FAM193A: variants seen among roughly 807,000 people sequenced by gnomAD.
FAM193A encodes the protein protein FAM193A.
FAM193A carries 22 observed loss-of-function variants against 126.5 expected under a neutral mutation model. The ratio of observed to expected loss-of-function variants is 0.17; its 90% CI spans 0.12 to 0.25. The LOEUF (loss-of-function observed/expected upper bound fraction) is 0.25. FAM193A is among the 10% of genes least tolerant of loss of function. The pLI is 1.00. For missense variants in FAM193A, 1,675 were observed against 1,672.8 expected (o/e 1.00, Z -0.02); for synonymous variants, 761 against 646.8 (o/e 1.18, Z -2.68).
At position 2,635,403 on chromosome 4, in the gene FAM193A, T is replaced by A. The variant is rs914514942; in HGVS notation, c.1038+4234T>A. Among the ~76,000 whole-genome samples, 7 of 152,276 alleles carry A rather than the reference T, an allele frequency of 4.6e-5. 1 individual carries two copies. The highest frequency in any genetic ancestry group is 1.9e-4 in the East Asian group (1 of 5,188). ...TGTATTGAAATTCAAACTGAGAAAA[T>A]TTTTTAAATGCTTATTGTCATTTTA... On this transcript the variant is annotated intron_variant, in intron 5 of 20. Coordinates refer to ENST00000637812, the MANE Select transcript of FAM193A (RefSeq NM_001366318.2).
At chr4:2,606,006 G>A in intron 2 of FAM193A, among the ~76,000 whole-genome samples, 3 of 128,790 alleles carry the variant, frequency 2.3e-5, no homozygotes, top group African/African-American at 2.8e-5. Context: ...AAATGGTTTA[G>A]TAAGTAGAGT....
chr4:2,617,183 T>TAA (rs564369069), intron 2 of FAM193A, among the ~76,000 whole-genome samples: 6 of 78,598 alleles, frequency 7.6e-5, no homozygotes, highest in Non-Finnish European at 1.5e-4. Flanking sequence ...AAAAAAAAAT[T>TAA]AAAAAAAAAA....
At chr4:2,664,419 A>G (rs184430162) in intron 12 of FAM193A, among the ~76,000 whole-genome samples, 1 of 152,272 alleles carries the variant, frequency 6.6e-6, no homozygotes, top group East Asian at 1.9e-4. Context: ...ATATTTGGAC[A>G]TTCCATTCTG....
intron 13 of FAM193A, among the ~76,000 whole-genome samples, chr4:2,689,194 C>T (rs140887641): frequency 1.4e-4 from 22 of 152,336 alleles, no homozygotes; most frequent in African/African-American, 4.6e-4. Flanking sequence ...GATCTTACGA[C>T]GCACATGGCA....
At chr4:2,583,024 A>G (rs1740040405) in intron 1 of FAM193A, among the ~76,000 whole-genome samples, 1 of 152,160 alleles carries the variant, frequency 6.6e-6, no homozygotes, top group Admixed American at 6.5e-5. Context: ...GCTGGAGTGC[A>G]GTGGCACGAT....
intron 13 of FAM193A, among the ~76,000 whole-genome samples, chr4:2,676,815 C>T (rs1714461378): frequency 6.6e-6 from 1 of 152,062 alleles, no homozygotes; most frequent in Non-Finnish European, 1.5e-5. Flanking sequence ...GTGGCGGGCA[C>T]CTGTAGTCTC....
At chr4:2,579,843 GT>G (rs1739819595) in intron 1 of FAM193A, among the ~76,000 whole-genome samples, 1 of 152,198 alleles carries the variant, frequency 6.6e-6, no homozygotes, top group African/African-American at 2.4e-5. Context: ...GTGTAAATTA[GT>G]TTAACCATTG....
intron 1 of FAM193A, among the ~76,000 whole-genome samples, chr4:2,555,273 C>G (rs1738183643): frequency 2.0e-5 from 3 of 152,068 alleles, no homozygotes; most frequent in Non-Finnish European, 4.4e-5. Context: ...AATCATAGGC[C>G]TCTATATGTC....
rs369223435 is a variant in FAM193A at position 2,549,546 on chromosome 4, G to A, written c.255+12376G>A. ...CAAGTAGCTGGGACTACAGGCGCCC[G>A]CCACTACGCTCGGCTAATTTTTTGT... is the stretch of plus-strand genomic sequence containing the variant. On this transcript the variant is annotated intron_variant, in intron 1 of 20. Transcript: ENST00000637812. 3.5e-5 allele frequency among the ~76,000 whole-genome samples: 5 copies of A among 141,362 alleles called. 1 individual carries two copies. The highest frequency in any genetic ancestry group is 2.2e-4 in the South Asian group (1 of 4,490). The allele number at this position is 141,362 out of a possible 152,430, so 92.7% of individuals were successfully genotyped here. A position where few individuals can be genotyped will look rare whatever the true frequency, so the allele number is the denominator to read the frequency against.
chr4:2,537,505 G>C (rs1166517706), intron 1 of FAM193A, among the ~76,000 whole-genome samples: 4 of 152,262 alleles, frequency 2.6e-5, no homozygotes, highest in African/African-American at 9.6e-5. Flanking sequence ...CCGGGGTGCA[G>C]CTCCGCGCAC....
chr4:2,726,849 C>T (rs1310449052), intron 20 of FAM193A, among the ~76,000 whole-genome samples: 1 of 142,700 alleles, frequency 7.0e-6, no homozygotes, highest in African/African-American at 2.6e-5. Context: ...ACTCTGGAGT[C>T]TGAGGCAGGA....
intron 5 of FAM193A, among the ~76,000 whole-genome samples, chr4:2,635,450 T>G (rs1743995481): frequency 6.6e-6 from 1 of 152,224 alleles, no homozygotes. Context: ...TCTCATTAGA[T>G]TACATAAATT....
chr4:2,699,886 G>T lies in FAM193A; in HGVS notation c.3714G>T (p.Lys1238Asn). ...KKERPSKDCPKLDMLTRNFQA... is the reference protein window; with the variant it reads ...KKERPSKDCPNLDMLTRNFQA... ...AGAGGCCAAGTAAAGACTGCCCCAA[G>T]TTGGACATGCTCACTAGAAATTTCC... The change falls in exon 19 of 21, where the codon AAG (lysine) becomes AAT (asparagine). Residue 1238 changes from lysine to asparagine, a missense_variant. Physicochemically the swap from Lys to Asn is moderately conservative, Grantham distance 94. Transcript: ENST00000637812. The T allele has an allele frequency of 1.2e-6, 2 of 1,614,102 alleles. No homozygotes were observed. The highest frequency in any genetic ancestry group is 8.5e-7 in the Non-Finnish European group (1 of 1,180,020).
Position 2,590,512 on chromosome 4 carries a change from A to AAAAAAAAAAAAAC in FAM193A, c.256-5568_256-5567insAAAAAAAACAAAA, listed in dbSNP as rs1740506193. On this transcript the variant is annotated intron_variant, in intron 1 of 20. Transcript: ENST00000637812. ...AAAAAAAAACAAAAAAAAACAAAAA[A>AAAAAAAAAAAAAC]AAAACAAAACAAAATTAAAAAACAG... Among the ~76,000 whole-genome samples the AAAAAAAAAAAAAC allele has an allele frequency of 1.7e-5, 2 of 114,564 alleles. 1 individual carries two copies. Among genetic ancestry groups the AAAAAAAAAAAAAC allele is most frequent in the African/African-American group, 9.8e-5 (2 of 20,474 alleles). 75.2% of individuals were successfully genotyped at this position (114,564 alleles called of 152,430 possible).
intron 15 of FAM193A, among the ~76,000 whole-genome samples, chr4:2,691,604 G>A (rs1716386657): frequency 1.3e-5 from 2 of 152,190 alleles, no homozygotes; most frequent in South Asian, 4.1e-4. Flanking sequence ...TGGCAACTCA[G>A]TAGCTGGCTC....
intron 2 of FAM193A, among the ~76,000 whole-genome samples, chr4:2,600,388 C>G (rs1300318326): frequency 1.3e-5 from 2 of 152,196 alleles, no homozygotes; most frequent in African/African-American, 4.8e-5. Context: ...TCTCTTCCCT[C>G]CATGTGGCAG....
intron 13 of FAM193A, among the ~76,000 whole-genome samples, chr4:2,682,869 C>G (rs921582711): frequency 6.6e-6 from 1 of 152,196 alleles, no homozygotes; most frequent in African/African-American, 2.4e-5. Flanking sequence ...TGATTACTTT[C>G]AACAGTTATC....
At chr4:2,593,345 C>T (rs907369344) in intron 1 of FAM193A, among the ~76,000 whole-genome samples, 7 of 152,128 alleles carry the variant, frequency 4.6e-5, no homozygotes, top group African/African-American at 1.7e-4. Context: ...CTCAGCTCTC[C>T]CCCATCTCTC....
intron 19 of FAM193A, among the ~76,000 whole-genome samples, chr4:2,715,800 C>T (rs1476138581): frequency 6.6e-6 from 1 of 152,224 alleles, no homozygotes; most frequent in African/African-American, 2.4e-5. Flanking sequence ...GACCTGAAGC[C>T]ACAGTTGCTT....
Sources: gnomAD v4.1 joint callset for allele counts (sites outside exome capture counted in the v4.1 genomes callset) on GRCh38, gnomAD v4.1.1 for gene constraint, MANE v1.5 for transcripts, NCBI Gene and HGNC (gene_info 2026-07-23, HGNC 2026-07-21) for gene names.